The following ADAMTSL3 variants were observed in gnomAD, a reference collection of about 807,000 sequenced individuals.
ADAMTSL3 encodes ADAMTS-like protein 3.
A neutral mutation model predicts 201.7 loss-of-function variants in ADAMTSL3; 128 were observed. The observed-to-expected ratio is 0.63, with a 90% CI of 0.55 to 0.73. The LOEUF (loss-of-function observed/expected upper bound fraction) is 0.73, where lower values mean the gene tolerates loss of function less well. Ranked by LOEUF, ADAMTSL3 falls within the 30% of genes least tolerant of loss-of-function variation. The pLI, the probability that ADAMTSL3 is intolerant of heterozygous loss-of-function variation, is 0.00. For missense variants in ADAMTSL3, 1,990 were observed against 2,119.6 expected (o/e 0.94, Z 1.20); for synonymous variants, 738 against 748.4 (o/e 0.99, Z 0.23).
chr15:83,940,413 GCT>G (rs1289124358), intron 17 of ADAMTSL3, among the ~76,000 whole-genome samples: 1 of 152,184 alleles, frequency 6.6e-6, no homozygotes, highest in Non-Finnish European at 1.5e-5. Flanking sequence ...TTTGGTGAGG[GCT>G]CTCTTCCTGA....
At chr15:83,827,667 C>A (rs1489193625) in intron 6 of ADAMTSL3, among the ~76,000 whole-genome samples, 1 of 152,152 alleles carries the variant, frequency 6.6e-6, no homozygotes. Context: ...AGTCTTTAAT[C>A]CATCTTGAAT....
intron 23 of ADAMTSL3, among the ~76,000 whole-genome samples, chr15:83,991,644 C>T (rs866370726): frequency 2.6e-5 from 4 of 152,218 alleles, no homozygotes; most frequent in Non-Finnish European, 4.4e-5. Flanking sequence ...AAAGCCAGAT[C>T]GGGGAGCTAG....
At chr15:83,888,615 A>G (rs893093426) in intron 10 of ADAMTSL3, among the ~76,000 whole-genome samples, 2 of 152,214 alleles carry the variant, frequency 1.3e-5, no homozygotes, top group African/African-American at 4.8e-5. Flanking sequence ...GGGTACTTGA[A>G]TGGACTTTCC....
intron 6 of ADAMTSL3, among the ~76,000 whole-genome samples, chr15:83,835,838 A>T (rs536379836): frequency 4.6e-5 from 7 of 152,208 alleles, no homozygotes; most frequent in Non-Finnish European, 7.3e-5. Context: ...CTATCTGCTG[A>T]TACTTAAGGT....
intron 17 of ADAMTSL3, among the ~76,000 whole-genome samples, chr15:83,938,513 A>G (rs906845201): frequency 5.3e-5 from 8 of 152,226 alleles, no homozygotes; most frequent in African/African-American, 1.9e-4. Flanking sequence ...TGTAAACTGC[A>G]TCTCAATAAA....
At chr15:83,999,122 T>C (rs1418607166) in intron 23 of ADAMTSL3, among the ~76,000 whole-genome samples, 1 of 152,214 alleles carries the variant, frequency 6.6e-6, no homozygotes, top group Non-Finnish European at 1.5e-5. Context: ...ACAACCATTA[T>C]TTCTATTTTG....
intron 13 of ADAMTSL3, among the ~76,000 whole-genome samples, chr15:83,897,377 G>A (rs778505610): frequency 8.6e-5 from 13 of 152,016 alleles, no homozygotes; most frequent in Admixed American, 1.3e-4. Context: ...TGATGGCCTC[G>A]TTATATGGTA....
intron 7 of ADAMTSL3, among the ~76,000 whole-genome samples, chr15:83,849,138 A>G (rs763450468): frequency 6.6e-6 from 1 of 152,024 alleles, no homozygotes; most frequent in Non-Finnish European, 1.5e-5. Context: ...TCCATCTTAT[A>G]TGTTTTCTTT....
intron 7 of ADAMTSL3, among the ~76,000 whole-genome samples, chr15:83,839,599 G>A (rs1282358703): frequency 6.6e-6 from 1 of 152,158 alleles, no homozygotes; most frequent in Non-Finnish European, 1.5e-5. Context: ...AATAGGAAGT[G>A]TCTTTCAAGC....
At chr15:83,811,300 A>G (rs780328494) in intron 5 of ADAMTSL3, among the ~76,000 whole-genome samples, 5 of 152,202 alleles carry the variant, frequency 3.3e-5, no homozygotes, top group African/African-American at 7.2e-5. Flanking sequence ...CCTTGTAGTC[A>G]TTCAAGAACA....
chr15:83,874,351 G>T (rs1435454071), intron 9 of ADAMTSL3, among the ~76,000 whole-genome samples: 1 of 145,042 alleles, frequency 6.9e-6, no homozygotes, highest in Non-Finnish European at 1.5e-5. Context: ...CCACATGAGA[G>T]TGAAAGTGGA....
intron 3 of ADAMTSL3, among the ~76,000 whole-genome samples, chr15:83,732,119 T>C (rs955285638): frequency 1.3e-5 from 2 of 152,200 alleles, no homozygotes; most frequent in African/African-American, 4.8e-5. Flanking sequence ...ACTATGTATA[T>C]GTATATCAAA....
At position 83,982,941 on chromosome 15, in the gene ADAMTSL3, C is replaced by G; in HGVS notation, c.3313C>G (p.Gln1105Glu). 1 of 1,614,136 alleles carries G rather than the reference C, an allele frequency of 6.2e-7. No homozygotes were observed. The highest frequency in any genetic ancestry group is 8.5e-7 in the Non-Finnish European group (1 of 1,180,030). Residue 1105 changes from glutamine (Q) to glutamate (E), a missense_variant, in exon 21 of 30, where the codon CAG (glutamine) becomes GAG (glutamate). Transcript: ENST00000286744. ...TGATGAGCTGATAAGAAACATGAGT[C>G]AGCTCATGGAAACCGGAGAGGTCAG... ...QFDELIRNMS[Q>E]LMETGEVSDD...
chr15:83,867,354 G>T (rs1156325833), intron 8 of ADAMTSL3, among the ~76,000 whole-genome samples: 1 of 152,122 alleles, frequency 6.6e-6, no homozygotes, highest in African/African-American at 2.4e-5. Flanking sequence ...AGCATTATGG[G>T]GAGCACACAG....
At chr15:83,659,713 T>C (rs777914651) in intron 2 of ADAMTSL3, among the ~76,000 whole-genome samples, 27 of 152,230 alleles carry the variant, frequency 1.8e-4, no homozygotes, top group East Asian at 9.7e-4. Context: ...GAATATTGAA[T>C]TGGGGAGACT....
chr15:83,811,155 A>G lies in ADAMTSL3; in HGVS notation c.363+6460A>G, dbSNP rs571784397. ...GTCTCTAACTTTAGTTATATGTGCA[A>G]AGATCCTTTTGCCATGTAAGATAAC... On this transcript the variant is annotated intron_variant, in intron 5 of 29. Coordinates refer to ENST00000286744, the MANE Select transcript of ADAMTSL3 (RefSeq NM_207517.3). 6.6e-5 allele frequency among the ~76,000 whole-genome samples: 10 copies of G among 152,298 alleles called. No individual in the cohort carries two copies. The South Asian group carries it at 2.1e-3, about 32-fold the overall frequency.
At chr15:83,681,810 A>G (rs2061479593) in intron 2 of ADAMTSL3, among the ~76,000 whole-genome samples, 2 of 152,152 alleles carry the variant, frequency 1.3e-5, no homozygotes, top group South Asian at 2.1e-4. Context: ...GTGCCCTGTC[A>G]TGGTCTTCAG....
chr15:83,956,714 A>G (rs1446693262), intron 19 of ADAMTSL3, among the ~76,000 whole-genome samples: 1 of 152,020 alleles, frequency 6.6e-6, no homozygotes, highest in Non-Finnish European at 1.5e-5. Flanking sequence ...ACCTGAATAC[A>G]CTTTATTTTC....
At chr15:83,821,166 C>A (rs900700882) in intron 6 of ADAMTSL3, among the ~76,000 whole-genome samples, 1 of 151,784 alleles carries the variant, frequency 6.6e-6, no homozygotes, top group Non-Finnish European at 1.5e-5. Flanking sequence ...CTTTTGACTT[C>A]TGAAAAATAT....
Sources: gnomAD v4.1 joint callset for allele counts (sites outside exome capture counted in the v4.1 genomes callset) on GRCh38, gnomAD v4.1.1 for gene constraint, MANE v1.5 for transcripts, NCBI Gene and HGNC (gene_info 2026-07-23, HGNC 2026-07-21) for gene names.